DCHS2: variants seen among roughly 807,000 people sequenced by gnomAD.
DCHS2 encodes the protein dachsous cadherin-related 2, also known as protocadherin-23.
DCHS2 carries 142 observed loss-of-function variants against 182.4 expected under a neutral mutation model. The ratio of observed to expected loss-of-function variants is 0.78; its 90% CI spans 0.68 to 0.89. DCHS2 has a LOEUF of 0.89. Ranked by LOEUF, DCHS2 falls within the 40% of genes least tolerant of loss-of-function variation. The pLI, the probability that DCHS2 is intolerant of heterozygous loss-of-function variation, is 0.00. For missense variants in DCHS2, 4,319 were observed against 4,198.6 expected, an observed-to-expected ratio of 1.03 and a Z score of -0.79; for synonymous variants, 1,740 against 1,663.3, an observed-to-expected ratio of 1.05 and a Z score of -1.12.
intron 16 of DCHS2, among the ~76,000 whole-genome samples, chr4:154,251,273 G>C (rs754091234): frequency 3.9e-5 from 6 of 152,132 alleles, no homozygotes; most frequent in Non-Finnish European, 7.3e-5. Flanking sequence ...ATACTTTTAA[G>C]ATTCATTCAC....
At chr4:154,365,456 T>C (rs1024399713) in intron 3 of DCHS2, among the ~76,000 whole-genome samples, 2 of 152,044 alleles carry the variant, frequency 1.3e-5, no homozygotes, top group African/African-American at 4.8e-5. Context: ...GCAACATAGA[T>C]ATTATCAGTG....
At chr4:154,435,528 A>C (rs1733742197) in intron 1 of DCHS2, among the ~76,000 whole-genome samples, 1 of 151,914 alleles carries the variant, frequency 6.6e-6, no homozygotes, top group Non-Finnish European at 1.5e-5. Flanking sequence ...CCCGGGAGGC[A>C]GAGCTTGCAG....
At position 154,489,578 on chromosome 4, in the gene DCHS2, TG is replaced by T; in HGVS notation, c.1777del (p.Gln593AsnfsTer29). ...LSAPCNLGSL[Q>X]SKMVHTAECG... is the part of the protein sequence containing the mutation. ...CTCTGCGGTGTGGACCATCTTTGAT[TG>T]CAGGGAGCCGAGATTGCAGGGAGCC... is the stretch of plus-strand genomic sequence containing the variant. On this transcript the variant is annotated frameshift_variant, in exon 1 of 20. Coordinates refer to ENST00000357232, the MANE Select transcript of DCHS2 (RefSeq NM_001358235.2). LOFTEE classifies it high-confidence loss of function. The T allele has an allele frequency of 3.9e-6, 6 of 1,550,842 alleles. No individual in the cohort carries two copies. The highest frequency in any genetic ancestry group is 5.2e-6 in the Non-Finnish European group (6 of 1,146,460).
Position 154,236,322 on chromosome 4 carries a change from A to T in DCHS2, c.8330T>A (p.Ile2777Asn), listed in dbSNP as rs370136244. 17 of 1,613,950 alleles carry T rather than the reference A, an allele frequency of 1.1e-5. No individual in the cohort carries two copies. The African/African-American group carries it at 1.6e-4, about 15-fold the overall frequency. ...GGAAATAGGCAGATTTTCTGGAACA[A>T]TACAGCTGAAGCTTGAGAACATAAA... ...PQFMFSSFSCIVPENLPISST... is the reference protein window; with the variant it reads ...PQFMFSSFSCNVPENLPISST... Residue 2777 changes from isoleucine to asparagine, a missense_variant, in exon 20 of 20, where the codon ATT becomes AAT. Transcript: ENST00000357232.
chr4:154,377,142 A>G (rs913019063), intron 2 of DCHS2, 111 bp downstream of exon 2: 5 of 1,021,092 alleles, frequency 4.9e-6, no homozygotes, highest in Non-Finnish European at 7.0e-6. Context: ...AGAGGTAGTG[A>G]CACATGAAAC....
chr4:154,323,257 G>T, intron 7 of DCHS2: 1 of 1,251,412 alleles, frequency 8.0e-7, no homozygotes, highest in South Asian at 1.5e-5. Context: ...GATTTTGTTT[G>T]TTTGTTTGTT....
chr4:154,427,556 C>T (rs1392345338), intron 1 of DCHS2, among the ~76,000 whole-genome samples: 2 of 152,202 alleles, frequency 1.3e-5, no homozygotes, highest in Admixed American at 6.5e-5. Flanking sequence ...ATTCTTTGCT[C>T]AATTAACTCT....
At chr4:154,331,003 G>A (rs1736497737) in intron 5 of DCHS2, among the ~76,000 whole-genome samples, 2 of 152,056 alleles carry the variant, frequency 1.3e-5, no homozygotes, top group African/African-American at 2.4e-5. Flanking sequence ...GGGGATGGGC[G>A]ACACCAGGAT....
At chr4:154,350,667 C>T (rs1366217208) in intron 3 of DCHS2, among the ~76,000 whole-genome samples, 1 of 152,172 alleles carries the variant, frequency 6.6e-6, no homozygotes, top group Non-Finnish European at 1.5e-5. Context: ...ACCATTTATA[C>T]ATCTCTATAT....
intron 1 of DCHS2, among the ~76,000 whole-genome samples, chr4:154,381,223 C>A (rs916304353): frequency 1.3e-5 from 2 of 152,086 alleles, no homozygotes; most frequent in African/African-American, 4.8e-5. Flanking sequence ...GAATCTGATA[C>A]TTTTCACTGT....
intron 4 of DCHS2, chr4:154,334,561 T>A: frequency 4.0e-6 from 1 of 247,090 alleles, no homozygotes; most frequent in East Asian, 8.9e-5. Flanking sequence ...CAAAAATTTG[T>A]AAATTGTGTG....
chr4:154,309,147 G>C (rs763703346), intron 10 of DCHS2, among the ~76,000 whole-genome samples: 1 of 152,140 alleles, frequency 6.6e-6, no homozygotes, highest in Non-Finnish European at 1.5e-5. Flanking sequence ...GGCCTTTGTA[G>C]TGGTTGTTCC....
At chr4:154,339,690 G>A (rs985909825) in intron 3 of DCHS2, among the ~76,000 whole-genome samples, 3 of 152,050 alleles carry the variant, frequency 2.0e-5, no homozygotes, top group Admixed American at 6.6e-5. Flanking sequence ...CTTGTGATCC[G>A]CCCATCTCGG....
chr4:154,298,923 T>C (rs1033670475), intron 12 of DCHS2: 35 of 492,470 alleles, frequency 7.1e-5, no homozygotes, highest in Non-Finnish European at 6.4e-6. Context: ...AACAGAATAA[T>C]ATGATTCAAT....
intron 1 of DCHS2, among the ~76,000 whole-genome samples, chr4:154,483,235 G>A (rs1735988935): frequency 6.6e-6 from 1 of 152,098 alleles, no homozygotes; most frequent in South Asian, 2.1e-4. Flanking sequence ...AAAGCAAGGA[G>A]GGGGGTGATA....
At chr4:154,397,505 T>C (rs945828434) in intron 1 of DCHS2, among the ~76,000 whole-genome samples, 5 of 152,216 alleles carry the variant, frequency 3.3e-5, no homozygotes, top group African/African-American at 1.2e-4. Flanking sequence ...TCACTTATAC[T>C]TCTCATGCTT....
intron 12 of DCHS2, among the ~76,000 whole-genome samples, chr4:154,300,825 G>T (rs2111289524): frequency 6.6e-6 from 1 of 152,302 alleles, no homozygotes; most frequent in African/African-American, 2.4e-5. Flanking sequence ...ACATTGCAAA[G>T]ATATTAAGGA....
intron 3 of DCHS2, among the ~76,000 whole-genome samples, chr4:154,339,924 G>A (rs897427157): frequency 6.6e-6 from 1 of 152,146 alleles, no homozygotes; most frequent in Non-Finnish European, 1.5e-5. Flanking sequence ...GATAGGAACT[G>A]TTAAGGGAAG....
At chr4:154,432,252 A>G (rs928656419) in intron 1 of DCHS2, among the ~76,000 whole-genome samples, 2 of 152,232 alleles carry the variant, frequency 1.3e-5, no homozygotes, top group African/African-American at 4.8e-5. Context: ...CATGGATTAT[A>G]TCTTATCTTT....
Sources: gnomAD v4.1 joint callset for allele counts (sites outside exome capture counted in the v4.1 genomes callset) on GRCh38, gnomAD v4.1.1 for gene constraint, MANE v1.5 for transcripts, NCBI Gene and HGNC (gene_info 2026-07-23, HGNC 2026-07-21) for gene names.